Variants in NMI observed in about 807,000 individuals in gnomAD.
NMI encodes the protein N-myc-interactor.
In NMI, 39 loss-of-function variants were observed where a neutral mutation model predicts 34.3. The ratio of observed to expected loss-of-function variants is 1.14; its 90% CI spans 0.88 to 1.49. The LOEUF is 1.49. NMI is among the 40% of genes most tolerant of loss of function. The pLI is 0.00. For missense variants in NMI, 339 were observed against 358.1 expected (o/e 0.95, Z 0.43); for synonymous variants, 113 against 120.3 (o/e 0.94, Z 0.40).
At chr2:151,285,513 G>A (rs920944840) in intron 1 of NMI, among the ~76,000 whole-genome samples, 27 of 151,716 alleles carry the variant, frequency 1.8e-4, no homozygotes, top group African/African-American at 5.1e-4. Flanking sequence ...GCTTGAAGCC[G>A]GGAGGCAGAG....
Position 151,271,620 on chromosome 2 carries a change from C to G in NMI, c.741+6G>C, listed in dbSNP as rs1018087931. On this transcript the variant is annotated splice_donor_region_variant and intron_variant, in intron 7 of 7. Coordinates refer to ENST00000243346, the MANE Select transcript of NMI (RefSeq NM_004688.3). ...TCTGAAAATGAGAGAACAGAGATGACTTTACCTGATACTTTTTCAAGTGTA... is the reference window on the plus strand; with the variant it reads ...TCTGAAAATGAGAGAACAGAGATGAGTTTACCTGATACTTTTTCAAGTGTA... 18 of 1,404,200 alleles carry G rather than the reference C, an allele frequency of 1.3e-5. No individual in the cohort carries two copies. The highest frequency in any genetic ancestry group is 1.6e-5 in the Non-Finnish European group (16 of 992,412). The allele number at this position is 1,404,200 out of a possible 1,614,324, so 87.0% of individuals were successfully genotyped here.
chr2:151,280,441 G>A (rs1367866883), intron 3 of NMI, among the ~76,000 whole-genome samples: 1 of 152,166 alleles, frequency 6.6e-6, no homozygotes, highest in African/African-American at 2.4e-5. Context: ...TGGAACTTCT[G>A]ATTACGGTAA....
At chr2:151,279,428 C>T (rs1335851855) in intron 3 of NMI, among the ~76,000 whole-genome samples, 2 of 151,996 alleles carry the variant, frequency 1.3e-5, no homozygotes, top group Non-Finnish European at 2.9e-5. Flanking sequence ...TATTTCAAAT[C>T]CAGATAATTT....
intron 3 of NMI, 74 bp from the exon 4 acceptor site, chr2:151,279,064 T>G: frequency 1.0e-6 from 1 of 1,001,460 alleles, no homozygotes; most frequent in Non-Finnish European, 1.5e-6. Context: ...TAATGTAATT[T>G]GGTCATCCAA....
At chr2:151,273,132 G>A (rs1009020873) in intron 6 of NMI, among the ~76,000 whole-genome samples, 1 of 150,008 alleles carries the variant, frequency 6.7e-6, no homozygotes. Context: ...AAAAAAAAGA[G>A]TACAGGTCCT....
chr2:151,281,880 T>C, intron 3 of NMI, 68 bp downstream of exon 3: 1 of 797,258 alleles, frequency 1.3e-6, no homozygotes, highest in East Asian at 2.5e-5. Flanking sequence ...TTTTGTGTAA[T>C]TAAAATGCTT....
At chr2:151,278,742 T>C in intron 4 of NMI, 86 bp downstream of exon 4, 1 of 996,524 alleles carries the variant, frequency 1.0e-6, no homozygotes, top group Non-Finnish European at 1.5e-6. Flanking sequence ...ATAATATAAG[T>C]GAAGTAATAT....
Position 151,275,753 on chromosome 2 carries a change from G to A in NMI, c.447+5C>T, listed in dbSNP as rs1426330367. 14 of 1,611,240 alleles carry A rather than the reference G, an allele frequency of 8.7e-6. No homozygotes were observed. The Admixed American group carries it at 2.0e-4, about 23-fold the overall frequency. ...AAATCCAAAAAATTTTAATCATCCT[G>A]TTACCTGGAATCTGACTCCTGAATT... On this transcript the variant is annotated splice_donor_5th_base_variant and intron_variant, in intron 5 of 7. Transcript: ENST00000243346.
At chr2:151,279,384 C>T (rs999170818) in intron 3 of NMI, among the ~76,000 whole-genome samples, 3 of 152,130 alleles carry the variant, frequency 2.0e-5, no homozygotes, top group African/African-American at 7.2e-5. Flanking sequence ...AATTTTGCTG[C>T]AAAGTATGAA....
chr2:151,288,584 T>C (rs563493109), intron 1 of NMI, among the ~76,000 whole-genome samples: 4,006 of 149,120 alleles, frequency 0.027, 185 homozygotes, highest in African/African-American at 0.095. Context: ...TGTGTGTGTG[T>C]GTGCGCGCGC....
chr2:151,278,955 G>C lies in NMI; in HGVS notation c.213C>G (p.Phe71Leu). 6.2e-7 allele frequency: 1 copy of C among 1,609,786 alleles called. No individual in the cohort carries two copies. The highest frequency in any genetic ancestry group is 8.5e-7 in the Non-Finnish European group (1 of 1,176,662). The part of the protein sequence containing the change: ...KEDIPETKMK[F>L]LSVETPENDS... ...CATTCTCAGGAGTTTCAACTGATAA[G>C]AATTTCATCTTTGTTTCAGGAATAT... Residue 71 changes from phenylalanine (F) to leucine (L), a missense_variant, in exon 4 of 8, where the codon TTC (phenylalanine) becomes TTG (leucine). Transcript: ENST00000243346.
At chr2:151,275,339 C>T (rs902970878) in intron 6 of NMI, 145 bp downstream of exon 6, 1 of 723,950 alleles carries the variant, frequency 1.4e-6, no homozygotes. Context: ...TTCCTACACT[C>T]TACTATTTTA....
At chr2:151,273,478 A>G (rs1183769217) in intron 6 of NMI, among the ~76,000 whole-genome samples, 1 of 152,182 alleles carries the variant, frequency 6.6e-6, no homozygotes, top group African/African-American at 2.4e-5. Context: ...ATTATCTCTC[A>G]CAGTAGAGTT....
chr2:151,275,655 A>G lies in NMI; in HGVS notation c.463T>C (p.Ser155Pro). 6.2e-7 allele frequency: 1 copy of G among 1,614,036 alleles called. No individual in the cohort carries two copies. The highest frequency in any genetic ancestry group is 8.5e-7 in the Non-Finnish European group (1 of 1,179,868). The stretch of plus-strand genomic sequence containing the variant: ...TCAGTAACATTGATTTTCATTTTAG[A>G]AACTTCTACATAAACCTGGAAAATG... Reference protein sequence around the residue: ...GVRFQVYVEVSKMKINVTEIP... With the variant: ...GVRFQVYVEVPKMKINVTEIP... Residue 155 changes from serine to proline, a missense_variant, in exon 6 of 8, where the codon TCT becomes CCT. Coordinates refer to ENST00000243346, the MANE Select transcript of NMI (RefSeq NM_004688.3).
chr2:151,281,932 A>C lies in NMI; in HGVS notation c.177+16T>G, dbSNP rs766378209. The C allele has an allele frequency of 1.6e-6, 2 of 1,287,986 alleles. No individual in the cohort carries two copies. The highest frequency in any genetic ancestry group is 3.9e-5 in the Admixed American group (2 of 51,864). 79.8% of individuals were successfully genotyped at this position (1,287,986 alleles called of 1,614,324 possible). On this transcript the variant is annotated intron_variant, in intron 3 of 7. Transcript: ENST00000243346. ...ATCCATCAAAAATGTAGTATATAAA[A>C]TAATTAAGAGAGTACCTGGAATTCT...
At chr2:151,281,427 G>A (rs556695025) in intron 3 of NMI, among the ~76,000 whole-genome samples, 2 of 152,222 alleles carry the variant, frequency 1.3e-5, no homozygotes, top group African/African-American at 4.8e-5. Flanking sequence ...TTATTAAAGT[G>A]TACGTAAATA....
chr2:151,279,924 G>A (rs568713322), intron 3 of NMI, among the ~76,000 whole-genome samples: 25 of 152,226 alleles, frequency 1.6e-4, no homozygotes, highest in African/African-American at 5.8e-4. Context: ...AGGCTACACA[G>A]GTGGCTCACA....
chr2:151,280,511 AG>A (rs1683372082), intron 3 of NMI, among the ~76,000 whole-genome samples: 1 of 152,250 alleles, frequency 6.6e-6, no homozygotes, highest in Admixed American at 6.5e-5. Context: ...CCAATAATGC[AG>A]AAATACCCAG....
At chr2:151,272,948 A>G (rs1017543165) in intron 6 of NMI, among the ~76,000 whole-genome samples, 2 of 152,008 alleles carry the variant, frequency 1.3e-5, no homozygotes, top group Admixed American at 6.6e-5. Context: ...GTAATGGAGA[A>G]TTATTGTTAA....
Sources: allele counts gnomAD v4.1 joint callset (sites outside exome capture counted in the v4.1 genomes callset), GRCh38; gene constraint gnomAD v4.1.1; transcripts MANE v1.5; gene names NCBI Gene and HGNC (gene_info 2026-07-23, HGNC 2026-07-21).